PRELID2: variants seen among roughly 807,000 people sequenced by gnomAD.
PRELID2 encodes PRELI domain containing 2, also known as PRELI domain-containing protein 2.
A neutral mutation model predicts 28.4 loss-of-function variants in PRELID2; 25 were observed. That is an observed-to-expected ratio of 0.88 (90% CI 0.64 to 1.23). PRELID2 has a LOEUF of 1.23. PRELID2 is among the 50% of genes most tolerant of loss of function. PRELID2 has a pLI of 0.00. For synonymous variants in PRELID2, 76 were observed against 71.6 expected (o/e 1.06, Z -0.31); for missense variants, 201 against 214.4 (o/e 0.94, Z 0.39).
chr5:145,801,893 T>C (rs1409353190), intron 4 of PRELID2, among the ~76,000 whole-genome samples: 1 of 152,180 alleles, frequency 6.6e-6, no homozygotes, highest in Admixed American at 6.5e-5. Flanking sequence ...GTTACTCTCT[T>C]CCTTGCTACT....
At chr5:145,592,604 T>G (rs1753247825) in intron 1 of PRELID2, among the ~76,000 whole-genome samples, 1 of 152,176 alleles carries the variant, frequency 6.6e-6, no homozygotes. Flanking sequence ...TTTACATCAT[T>G]GCTTATATTT....
intron 1 of PRELID2, among the ~76,000 whole-genome samples, chr5:145,475,278 C>T (rs1476115460): frequency 6.6e-6 from 1 of 152,190 alleles, no homozygotes. Context: ...GAAATAGAAA[C>T]TCTTCCCAGT....
chr5:145,548,638 C>G (rs144406140), intron 1 of PRELID2, among the ~76,000 whole-genome samples: 9 of 152,262 alleles, frequency 5.9e-5, no homozygotes, highest in Admixed American at 5.2e-4. Context: ...TTGATAGCCA[C>G]TTCTGTCCAT....
chr5:145,591,600 G>A (rs1481368838), intron 1 of PRELID2, among the ~76,000 whole-genome samples: 1 of 152,066 alleles, frequency 6.6e-6, no homozygotes, highest in African/African-American at 2.4e-5. Context: ...TGACAAAAAT[G>A]TTCAGGCTTC....
chr5:145,303,292 A>C, the PRELID2 span, among the ~76,000 whole-genome samples: 1 of 152,208 alleles, frequency 6.6e-6, no homozygotes, highest in East Asian at 1.9e-4. Flanking sequence ...CAGTGAAGTC[A>C]ATATGGCTAC....
the PRELID2 span, among the ~76,000 whole-genome samples, chr5:145,292,883 A>AT: frequency 6.6e-6 from 1 of 151,574 alleles, no homozygotes; most frequent in African/African-American, 2.4e-5. Flanking sequence ...AATTTTTTTT[A>AT]TTTTTTATTA....
chr5:145,608,694 G>A (rs1753546969), intron 1 of PRELID2, among the ~76,000 whole-genome samples: 2 of 152,046 alleles, frequency 1.3e-5, no homozygotes. Flanking sequence ...TTTCAACCTT[G>A]GAGAATCTGA....
chr5:145,449,994 C>A, the PRELID2 span, among the ~76,000 whole-genome samples: 1 of 152,094 alleles, frequency 6.6e-6, no homozygotes, highest in African/African-American at 2.4e-5. Flanking sequence ...TTCAGGGTAG[C>A]CTCATTTGCA....
chr5:145,639,716 T>G (rs577679866), intron 1 of PRELID2, among the ~76,000 whole-genome samples: 6 of 152,202 alleles, frequency 3.9e-5, no homozygotes, highest in Non-Finnish European at 8.8e-5. Context: ...AAGGGATATT[T>G]TCTTTAGTCC....
chr5:145,362,361 A>G, the PRELID2 span, among the ~76,000 whole-genome samples: 3 of 152,264 alleles, frequency 2.0e-5, no homozygotes, highest in South Asian at 4.1e-4. Context: ...ATTCACTAAC[A>G]TCTTTAGACA....
chr5:145,544,117 CAA>C (rs1752766621), intron 1 of PRELID2, among the ~76,000 whole-genome samples: 2 of 151,998 alleles, frequency 1.3e-5, no homozygotes, highest in South Asian at 4.2e-4. Flanking sequence ...CAGAAAGCAT[CAA>C]AAGTCACACA....
chr5:145,352,035 G>A, the PRELID2 span, among the ~76,000 whole-genome samples: 1 of 152,156 alleles, frequency 6.6e-6, no homozygotes, highest in Admixed American at 6.6e-5. Flanking sequence ...TGCTTTCATG[G>A]GCTGACGTTG....
At chr5:145,638,390 T>G (rs918474188) in intron 1 of PRELID2, among the ~76,000 whole-genome samples, 1 of 151,830 alleles carries the variant, frequency 6.6e-6, no homozygotes, top group Non-Finnish European at 1.5e-5. Context: ...CCTCACCCCC[T>G]TCCCCCACAC....
chr5:145,417,005 C>T, the PRELID2 span, among the ~76,000 whole-genome samples: 1 of 151,576 alleles, frequency 6.6e-6, no homozygotes, highest in Middle Eastern at 3.2e-3. Context: ...ATAAAACAGA[C>T]TGCAAGCTAG....
the PRELID2 span, among the ~76,000 whole-genome samples, chr5:145,452,918 T>C: frequency 6.6e-6 from 1 of 152,142 alleles, no homozygotes; most frequent in African/African-American, 2.4e-5. Flanking sequence ...ACTCACCAGT[T>C]CCTCTTGCTG....
intron 1 of PRELID2, among the ~76,000 whole-genome samples, chr5:145,486,561 T>A (rs1752220503): frequency 6.6e-6 from 1 of 152,136 alleles, no homozygotes. Flanking sequence ...CTTGGTGCAT[T>A]TTTCTGTAAG....
chr5:145,454,605 T>C, the PRELID2 span, among the ~76,000 whole-genome samples: 2 of 152,108 alleles, frequency 1.3e-5, no homozygotes, highest in South Asian at 2.1e-4. Flanking sequence ...AATCAAGGTA[T>C]AAAAATCACA....
chr5:145,290,390 C>T, the PRELID2 span, among the ~76,000 whole-genome samples: 1 of 148,910 alleles, frequency 6.7e-6, no homozygotes, highest in Non-Finnish European at 1.5e-5. Context: ...GAAAATGTGG[C>T]ACATATACAC....
At chr5:145,273,320 T>C in the PRELID2 span, among the ~76,000 whole-genome samples, 1 of 151,990 alleles carries the variant, frequency 6.6e-6, no homozygotes, top group Non-Finnish European at 1.5e-5. Context: ...TGCTTTTCTG[T>C]ATCCTGCTTT....
Sources: gnomAD v4.1 joint callset for allele counts (sites outside exome capture counted in the v4.1 genomes callset) on GRCh38, gnomAD v4.1.1 for gene constraint, MANE v1.5 for transcripts, NCBI Gene and HGNC (gene_info 2026-07-23, HGNC 2026-07-21) for gene names.